Variants in CACNB2 observed in about 807,000 individuals in gnomAD.
CACNB2 encodes voltage-dependent L-type calcium channel subunit beta-2.
CACNB2 carries 42 observed loss-of-function variants against 73.3 expected under a neutral mutation model. The observed-to-expected ratio is 0.57, with a 90% CI of 0.45 to 0.74. The LOEUF is 0.74. Ranked by LOEUF, CACNB2 falls within the 30% of genes least tolerant of loss-of-function variation. The pLI, the probability that CACNB2 is intolerant of heterozygous loss-of-function variation, is 0.00. For synonymous variants in CACNB2, 348 were observed against 310.3 expected (o/e 1.12, Z -1.28); for missense variants, 940 against 853.0 (o/e 1.10, Z -1.27).
At chr10:18,148,787 G>C (rs1023596156) in intron 1 of CACNB2, among the ~76,000 whole-genome samples, 1 of 152,074 alleles carries the variant, frequency 6.6e-6, no homozygotes, top group Non-Finnish European at 1.5e-5. Context: ...TTAAAGTCAT[G>C]AGTTCAAGAC....
chr10:18,542,226 T>C lies in CACNB2; in HGVS notation c.*2502T>C, dbSNP rs527783547. On this transcript the variant is annotated 3_prime_UTR_variant, in exon 14 of 14. Transcript: ENST00000324631. ...AAAATTAGTTACATATATAATGTTT[T>C]ATCAGCTTATATATGAAAAAATTTC... 1 of 152,306 alleles carries C rather than the reference T, an allele frequency of 6.6e-6. No homozygotes were observed. Among genetic ancestry groups the C allele is most frequent in the East Asian group, 1.9e-4 (1 of 5,182 alleles). 9.4% of individuals were successfully genotyped at this position (152,306 alleles called of 1,614,324 possible).
chr10:18,174,686 A>G (rs570345506), intron 2 of CACNB2, among the ~76,000 whole-genome samples: 37 of 152,150 alleles, frequency 2.4e-4, no homozygotes, highest in African/African-American at 8.7e-4. Flanking sequence ...TTACAGGCGT[A>G]AGCCACCATG....
At chr10:18,332,045 G>A (rs935549233) in intron 2 of CACNB2, among the ~76,000 whole-genome samples, 4 of 152,182 alleles carry the variant, frequency 2.6e-5, no homozygotes, top group African/African-American at 9.7e-5. Context: ...GGGATGAAGG[G>A]GCAGAGAGAG....
At chr10:18,444,146 G>A (rs1393201412) in intron 3 of CACNB2, among the ~76,000 whole-genome samples, 2 of 152,112 alleles carry the variant, frequency 1.3e-5, no homozygotes, top group East Asian at 3.9e-4. Flanking sequence ...AACGCCAAAG[G>A]TGATGGTTTT....
chr10:18,445,734 G>A (rs2046700632), intron 3 of CACNB2, among the ~76,000 whole-genome samples: 1 of 152,150 alleles, frequency 6.6e-6, no homozygotes, highest in African/African-American at 2.4e-5. Flanking sequence ...AGGAAGCCCT[G>A]TAGAAGTGGT....
intron 3 of CACNB2, among the ~76,000 whole-genome samples, chr10:18,481,164 G>C (rs1192274267): frequency 8.3e-6 from 1 of 120,170 alleles, no homozygotes; most frequent in East Asian, 2.9e-4. Context: ...ACCAAGAGGT[G>C]ACCAAAACTG....
chr10:18,233,499 T>TA (rs960874040), intron 2 of CACNB2, among the ~76,000 whole-genome samples: 13 of 148,088 alleles, frequency 8.8e-5, no homozygotes, highest in South Asian at 2.2e-4. Context: ...TTTGTTAGGT[T>TA]AAAAAAAAAA....
rs2047323270 is a variant in CACNB2, at chr10:18,457,116, A to G, written c.334-41239A>G. On this transcript the variant is annotated intron_variant, in intron 3 of 13. Coordinates refer to ENST00000324631, the MANE Select transcript of CACNB2 (RefSeq NM_201596.3). ...TTTGGGTGTGGGTGTATGTTTAGACAGAGTTTCACTCTGTGTCCAAGCTGC... is the reference window on the plus strand; with the variant it reads ...TTTGGGTGTGGGTGTATGTTTAGACGGAGTTTCACTCTGTGTCCAAGCTGC... Among the ~76,000 whole-genome samples, 3 of 152,156 alleles carry G rather than the reference A, an allele frequency of 2.0e-5. No individual in the cohort carries two copies. In the South Asian group the frequency reaches 6.2e-4, roughly 32 times the overall value.
chr10:18,452,643 C>T (rs1305214192), intron 3 of CACNB2, among the ~76,000 whole-genome samples: 1 of 152,172 alleles, frequency 6.6e-6, no homozygotes, highest in Non-Finnish European at 1.5e-5. Flanking sequence ...CTCCTGTGCT[C>T]AAGCCATCCT....
intron 2 of CACNB2, among the ~76,000 whole-genome samples, chr10:18,248,813 A>C (rs1315860530): frequency 6.6e-6 from 1 of 152,106 alleles, no homozygotes; most frequent in Non-Finnish European, 1.5e-5. Flanking sequence ...AGACTTTCTC[A>C]ACTCTCTGTT....
chr10:18,324,246 A>G (rs1309130112), intron 2 of CACNB2, among the ~76,000 whole-genome samples: 1 of 152,220 alleles, frequency 6.6e-6, no homozygotes, highest in Non-Finnish European at 1.5e-5. Flanking sequence ...GGCTGGTGCT[A>G]TTATAAACAA....
At chr10:18,249,911 C>G (rs918502159) in intron 2 of CACNB2, among the ~76,000 whole-genome samples, 64 of 152,096 alleles carry the variant, frequency 4.2e-4, no homozygotes, top group African/African-American at 1.5e-3. Flanking sequence ...CCTGCTCCTC[C>G]CTAAATATTT....
chr10:18,340,601 T>A, intron 2 of CACNB2: 1 of 1,015,072 alleles, frequency 9.9e-7, no homozygotes. Context: ...TACTGTACTT[T>A]GACAAGTTTG....
chr10:18,340,848 C>G (rs2041203170), intron 2 of CACNB2: 1 of 1,613,636 alleles, frequency 6.2e-7, no homozygotes, highest in Non-Finnish European at 8.5e-7. Context: ...ACTTGGCTGC[C>G]TTTTAGCTAG....
Position 18,172,924 on chromosome 10 carries a change from C to CTTTTTTTTTTTTTTTTTTTTTTT in CACNB2, c.213+21964_213+21965insTTTTTTTTTTTTTTTTTTTTTTT, listed in dbSNP as rs58345605. Among the ~76,000 whole-genome samples the CTTTTTTTTTTTTTTTTTTTTTTT allele has an allele frequency of 2.0e-3, 230 of 117,414 alleles. 6 individuals are homozygous for CTTTTTTTTTTTTTTTTTTTTTTT. Among genetic ancestry groups the CTTTTTTTTTTTTTTTTTTTTTTT allele is most frequent in the African/African-American group, 7.4e-3 (221 of 30,068 alleles). 77.0% of individuals were successfully genotyped at this position (117,414 alleles called of 152,430 possible). A position where few individuals can be genotyped will look rare whatever the true frequency, so the allele number is the denominator to read the frequency against. Reference sequence around the variant, plus strand: ...CTTCAAATAGGGAAAATAATAAGGCCTTTTTTTTTTTTTTTAAATGGAGTT... The same window carrying CTTTTTTTTTTTTTTTTTTTTTTT: ...CTTCAAATAGGGAAAATAATAAGGCCTTTTTTTTTTTTTTTTTTTTTTTTTTTTTTTTTTTTTTAAATGGAGTT... On this transcript the variant is annotated intron_variant, in intron 2 of 13. Transcript: ENST00000324631.
In CACNB2 at chr10:18,435,321, C is replaced by T. The variant is rs80064030; in HGVS notation, c.333+33278C>T. On this transcript the variant is annotated intron_variant, in intron 3 of 13. Transcript: ENST00000324631. ...CAATCCAACATATTTCGTTAAAAAC[C>T]GTGAAAATCCACCTGAGTTGACAAT... 3.8e-3 allele frequency among the ~76,000 whole-genome samples: 581 copies of T among 152,226 alleles called. 9 individuals are homozygous for T. In the East Asian group the frequency reaches 0.053, roughly 14 times the overall value.
At chr10:18,211,540 A>G (rs2035316967) in intron 2 of CACNB2, among the ~76,000 whole-genome samples, 2 of 152,152 alleles carry the variant, frequency 1.3e-5, no homozygotes, top group South Asian at 4.1e-4. Context: ...CTTGCAGACT[A>G]CCTTAAATTT....
chr10:18,504,754 C>G (rs1348896738), intron 5 of CACNB2, among the ~76,000 whole-genome samples: 1 of 152,134 alleles, frequency 6.6e-6, no homozygotes, highest in Non-Finnish European at 1.5e-5. Context: ...AAGCGATTCT[C>G]CTGCTTCAGC....
intron 2 of CACNB2, among the ~76,000 whole-genome samples, chr10:18,367,255 T>C (rs2042393962): frequency 6.6e-6 from 1 of 152,094 alleles, no homozygotes; most frequent in African/African-American, 2.4e-5. Flanking sequence ...TGAAATACTT[T>C]GGGACAAAGT....
Sources: gnomAD v4.1 joint callset for allele counts (sites outside exome capture counted in the v4.1 genomes callset) on GRCh38, gnomAD v4.1.1 for gene constraint, MANE v1.5 for transcripts, NCBI Gene and HGNC (gene_info 2026-07-23, HGNC 2026-07-21) for gene names.